GLDC: variants seen among roughly 807,000 people sequenced by gnomAD.
The protein encoded by GLDC is glycine decarboxylase, also known as glycine dehydrogenase (decarboxylating), mitochondrial.
A neutral mutation model predicts 121.3 loss-of-function variants in GLDC; 104 were observed. The ratio of observed to expected loss-of-function variants is 0.86; its 90% CI spans 0.73 to 1.01. The LOEUF is 1.01. Ranked by LOEUF, GLDC falls within the 50% of genes least tolerant of loss-of-function variation. The pLI, the probability that GLDC is intolerant of heterozygous loss-of-function variation, is 0.00. For missense variants in GLDC, 1,429 were observed against 1,306.6 expected (o/e 1.09, Z -1.44); for synonymous variants, 546 against 480.6 (o/e 1.14, Z -1.78).
intron 22 of GLDC, among the ~76,000 whole-genome samples, chr9:6,537,180 G>C (rs755295729): frequency 7.9e-5 from 12 of 152,080 alleles, no homozygotes; most frequent in African/African-American, 2.4e-4. Context: ...ACAGGTGCAC[G>C]CCACCATGCC....
At position 6,532,816 on chromosome 9, in the gene GLDC, C is replaced by A. The variant is rs553188892; in HGVS notation, c.*201G>T. 101 of 588,984 alleles carry A rather than the reference C, an allele frequency of 1.7e-4. No individual in the cohort carries two copies. Among genetic ancestry groups the A allele is most frequent in the Non-Finnish European group, 2.8e-4 (91 of 327,668 alleles). 36.5% of individuals were successfully genotyped at this position (588,984 alleles called of 1,614,324 possible). ...AACTGGCACATGTGGAAGCAGAATA[C>A]CAAAGCAAATCCGTCTTCCAACCAT... On this transcript the variant is annotated 3_prime_UTR_variant, in exon 25 of 25. Transcript: ENST00000321612.
chr9:6,578,667 G>A (rs1475513685), intron 15 of GLDC, among the ~76,000 whole-genome samples: 1 of 152,048 alleles, frequency 6.6e-6, no homozygotes, highest in Admixed American at 6.5e-5. Flanking sequence ...AGCCCCCAAA[G>A]TAGCTGGGAC....
rs545535724 is a variant in GLDC at position 6,589,398 on chromosome 9, A to G, written c.1483-106T>C. The stretch of plus-strand genomic sequence containing the variant: ...GCCACAAAGCACTCAAAATGGATCA[A>G]ATATATAATTTTACTTATTTATTTA... On this transcript the variant is annotated intron_variant, in intron 11 of 24. Coordinates refer to ENST00000321612, the MANE Select transcript of GLDC (RefSeq NM_000170.3). The G allele has an allele frequency of 8.0e-5, 46 of 576,814 alleles. No homozygotes were observed. The East Asian group carries it at 1.4e-3, about 17-fold the overall frequency. The allele number at this position is 576,814 out of a possible 1,614,324, so 35.7% of individuals were successfully genotyped here. A position where few individuals can be genotyped will look rare whatever the true frequency, so the allele number is the denominator to read the frequency against.
chr9:6,628,815 C>G (rs115076013), intron 2 of GLDC, among the ~76,000 whole-genome samples: 1,568 of 152,326 alleles, frequency 0.01, 35 homozygotes, highest in African/African-American at 0.036. Flanking sequence ...CAGCCAGCAG[C>G]TGTGCATTAT....
At chr9:6,588,749 G>C (rs867522327) in intron 12 of GLDC, 47 bp from the exon 13 acceptor site, 3 of 1,080,940 alleles carry the variant, frequency 2.8e-6, no homozygotes, top group Middle Eastern at 2.0e-4. Context: ...GTAGATATGA[G>C]TCCATGCACA....
chr9:6,551,667 T>G (rs1817517895), intron 20 of GLDC, among the ~76,000 whole-genome samples: 1 of 152,080 alleles, frequency 6.6e-6, no homozygotes, highest in African/African-American at 2.4e-5. Context: ...GTTCCTAGAT[T>G]AAGAGCCAGA....
At chr9:6,637,003 G>C (rs1270588193) in intron 2 of GLDC, among the ~76,000 whole-genome samples, 2 of 152,082 alleles carry the variant, frequency 1.3e-5, no homozygotes, top group Admixed American at 6.5e-5. Flanking sequence ...AGAATTGCTT[G>C]AACCCAGGAG....
chr9:6,554,431 G>A (rs1017979547), intron 19 of GLDC, among the ~76,000 whole-genome samples: 2 of 152,188 alleles, frequency 1.3e-5, no homozygotes, highest in African/African-American at 4.8e-5. Flanking sequence ...TGCTGTCTAT[G>A]TGCAACTGGA....
At chr9:6,643,285 A>T (rs897865907) in intron 2 of GLDC, among the ~76,000 whole-genome samples, 5 of 151,878 alleles carry the variant, frequency 3.3e-5, no homozygotes, top group African/African-American at 1.2e-4. Flanking sequence ...CAAAACATGC[A>T]GGTTTTCAAC....
At chr9:6,563,420 T>C (rs939726133) in intron 16 of GLDC, among the ~76,000 whole-genome samples, 20 of 152,182 alleles carry the variant, frequency 1.3e-4, no homozygotes, top group Non-Finnish European at 2.5e-4. Flanking sequence ...GGTGGAGATG[T>C]CACACAGGAC....
chr9:6,578,397 A>G (rs1228361812), intron 15 of GLDC, among the ~76,000 whole-genome samples: 2 of 151,782 alleles, frequency 1.3e-5, no homozygotes, highest in African/African-American at 4.8e-5. Flanking sequence ...GATTACAAGC[A>G]TGAATCATGG....
chr9:6,558,497 C>G (rs554323142), intron 17 of GLDC, 62 bp downstream of exon 17: 1 of 1,584,288 alleles, frequency 6.3e-7, no homozygotes, highest in Admixed American at 1.7e-5. Flanking sequence ...CCATCAAGTC[C>G]CTGATCCCCA....
chr9:6,629,162 C>G (rs755348851), intron 2 of GLDC, among the ~76,000 whole-genome samples: 1 of 151,902 alleles, frequency 6.6e-6, no homozygotes, highest in Non-Finnish European at 1.5e-5. Flanking sequence ...TTTGCACTAA[C>G]CACTGCATCA....
intron 17 of GLDC, among the ~76,000 whole-genome samples, chr9:6,557,220 C>A (rs1056589276): frequency 6.6e-6 from 1 of 151,966 alleles, no homozygotes. Flanking sequence ...GCTGATTACC[C>A]TGATCTGATC....
chr9:6,586,464 C>T (rs1818274618), intron 15 of GLDC, among the ~76,000 whole-genome samples: 1 of 152,160 alleles, frequency 6.6e-6, no homozygotes, highest in South Asian at 2.1e-4. Context: ...TCTTCAAAGT[C>T]TTTCCTTTAC....
chr9:6,586,553 G>A (rs1267129601), intron 15 of GLDC, among the ~76,000 whole-genome samples: 1 of 152,122 alleles, frequency 6.6e-6, no homozygotes, highest in African/African-American at 2.4e-5. Context: ...GGTTCTCCTG[G>A]CCCTGCTAAA....
At position 6,620,178 on chromosome 9, in the gene GLDC, C is replaced by G; in HGVS notation, c.470+6G>C. On this transcript the variant is annotated splice_donor_region_variant and intron_variant, in intron 3 of 24. Transcript: ENST00000321612. ...CATCCTGTTCCTGAACTGAGAAATACATTACCATCCTGAGTTCTCCAGTAA... is the reference window on the plus strand; with the variant it reads ...CATCCTGTTCCTGAACTGAGAAATAGATTACCATCCTGAGTTCTCCAGTAA... 1 of 1,612,008 alleles carries G rather than the reference C, an allele frequency of 6.2e-7. No individual in the cohort carries two copies. Among genetic ancestry groups the G allele is most frequent in the Non-Finnish European group, 8.5e-7 (1 of 1,179,514 alleles).
Position 6,611,820 on chromosome 9 carries a change from G to A in GLDC, c.471-1464C>T, listed in dbSNP as rs1187768259. Among the ~76,000 whole-genome samples, 3 of 152,118 alleles carry A rather than the reference G, an allele frequency of 2.0e-5. No individual in the cohort carries two copies. In the East Asian group the frequency reaches 5.8e-4, roughly 29 times the overall value. ...TCCTATTTATCAGATGGACTAGATT[G>A]TATGTGTGTATTCCTGCATGTGTAT... On this transcript the variant is annotated intron_variant, in intron 3 of 24. Coordinates refer to ENST00000321612, the MANE Select transcript of GLDC (RefSeq NM_000170.3).
intron 2 of GLDC, among the ~76,000 whole-genome samples, chr9:6,636,349 G>T (rs1819502475): frequency 6.6e-6 from 1 of 152,066 alleles, no homozygotes; most frequent in African/African-American, 2.4e-5. Flanking sequence ...ATTAATGTAG[G>T]TTCAATTGTA....
Sources: allele counts gnomAD v4.1 joint callset (sites outside exome capture counted in the v4.1 genomes callset), GRCh38; gene constraint gnomAD v4.1.1; transcripts MANE v1.5; gene names NCBI Gene and HGNC (gene_info 2026-07-23, HGNC 2026-07-21).